Variants in ARFGEF2 observed in about 807,000 individuals in gnomAD.
ARFGEF2 encodes the protein brefeldin A-inhibited guanine nucleotide-exchange protein 2.
ARFGEF2 carries 74 observed loss-of-function variants against 219.9 expected under a neutral mutation model. The observed-to-expected ratio is 0.34, with a 90% CI of 0.28 to 0.41. ARFGEF2 has a LOEUF of 0.41. Among genes scored for constraint, ARFGEF2 ranks in the 10% least tolerant of loss-of-function variants. ARFGEF2 has a pLI of 1.00. For missense variants in ARFGEF2, 1,743 were observed against 2,218.3 expected (o/e 0.79, Z 4.30); for synonymous variants, 733 against 799.2 (o/e 0.92, Z 1.40).
intron 37 of ARFGEF2, among the ~76,000 whole-genome samples, 180 bp from the exon 38 acceptor site, chr20:49,031,869 G>C: frequency 6.6e-6 from 1 of 151,074 alleles, no homozygotes; most frequent in South Asian, 2.1e-4. Context: ...AGTGAACCTT[G>C]ATCACACCAC....
In ARFGEF2 at chr20:49,016,235, C is replaced by T. The variant is rs201153520; in HGVS notation, c.4180-45C>T. 4 of 1,607,846 alleles carry T rather than the reference C, an allele frequency of 2.5e-6. No homozygotes were observed. In the East Asian group the frequency reaches 6.7e-5, roughly 27 times the overall value. ...GGAGTGTACAAGAATGCCCATCTCA[C>T]TGCAGGGAGAATAGCTTTTAAGTGT... On this transcript the variant is annotated intron_variant, in intron 30 of 38. Coordinates refer to ENST00000371917, the MANE Select transcript of ARFGEF2 (RefSeq NM_006420.3).
chr20:49,011,480 G>T (rs1283079257), intron 27 of ARFGEF2, among the ~76,000 whole-genome samples: 1 of 152,182 alleles, frequency 6.6e-6, no homozygotes, highest in South Asian at 2.1e-4. Flanking sequence ...ACACAGTTTC[G>T]ATGTAGTGGA....
chr20:48,922,123 T>C (rs1893156913), intron 1 of ARFGEF2, 113 bp downstream of exon 1: 1 of 1,441,256 alleles, frequency 6.9e-7, no homozygotes, highest in Non-Finnish European at 9.2e-7. Flanking sequence ...CGATCCCGAA[T>C]TCCACCCTTC....
intron 38 of ARFGEF2, among the ~76,000 whole-genome samples, chr20:49,032,812 C>T (rs1052159583): frequency 6.6e-6 from 1 of 151,974 alleles, no homozygotes; most frequent in Admixed American, 6.6e-5. Context: ...AGGCTGGTCT[C>T]GATCTCCTGA....
chr20:49,018,804 C>A, intron 33 of ARFGEF2, 80 bp from the exon 34 acceptor site: 1 of 1,113,920 alleles, frequency 9.0e-7, no homozygotes, highest in Non-Finnish European at 1.4e-6. Context: ...GCTGGACCAG[C>A]CGTGTTAAAA....
At chr20:48,944,788 T>G (rs970847007) in intron 3 of ARFGEF2, among the ~76,000 whole-genome samples, 1 of 152,140 alleles carries the variant, frequency 6.6e-6, no homozygotes, top group Non-Finnish European at 1.5e-5. Context: ...TTCTTGACTC[T>G]GTGTCTGTGT....
intron 20 of ARFGEF2, among the ~76,000 whole-genome samples, chr20:48,990,468 C>T (rs953161668): frequency 6.6e-6 from 1 of 152,174 alleles, no homozygotes; most frequent in Non-Finnish European, 1.5e-5. Flanking sequence ...GGTTGACAAT[C>T]CCATGCATCA....
rs566678225 is a variant in ARFGEF2, at chr20:48,996,147, T to A, written c.3221+265T>A. ...GTTTCCTTAGTAGAAATTATTTTTTTAAAAATCACAAGAAGAGTTTAGGAT... is the reference window on the plus strand; with the variant it reads ...GTTTCCTTAGTAGAAATTATTTTTTAAAAAATCACAAGAAGAGTTTAGGAT... On this transcript the variant is annotated intron_variant, in intron 23 of 38. Coordinates refer to ENST00000371917, the MANE Select transcript of ARFGEF2 (RefSeq NM_006420.3). Among the ~76,000 whole-genome samples, 99 of 152,278 alleles carry A rather than the reference T, an allele frequency of 6.5e-4. 1 individual carries two copies. Among genetic ancestry groups the A allele is most frequent in the Admixed American group, 1.2e-3 (18 of 15,284 alleles).
At chr20:48,961,090 A>ATAATAATAATAATAATAC (rs1475941043) in intron 6 of ARFGEF2, among the ~76,000 whole-genome samples, 1 of 147,744 alleles carries the variant, frequency 6.8e-6, no homozygotes, top group Non-Finnish European at 1.5e-5. Flanking sequence ...AAATATAATA[A>ATAATAATAATAATAATAC]TAATAATAAT....
chr20:48,922,837 C>T (rs2090851773), intron 1 of ARFGEF2, among the ~76,000 whole-genome samples: 1 of 152,200 alleles, frequency 6.6e-6, no homozygotes, highest in South Asian at 2.1e-4. Flanking sequence ...ATACCAGGTA[C>T]TGAGAATTCA....
Position 48,984,807 on chromosome 20 carries a change from C to G in ARFGEF2, c.2037C>G (p.Ala679=). ...GMLGTSVEDI[A]QFLHQEERLD... Reference sequence around the variant, plus strand: ...TGGGAACGTCAGTTGAAGACATAGCCCAATTCCTGCACCAGGAGGAGCGCC... The same window carrying G: ...TGGGAACGTCAGTTGAAGACATAGCGCAATTCCTGCACCAGGAGGAGCGCC... The change falls in exon 15 of 39, where the codon GCC becomes GCG. Residue 679 remains alanine, a synonymous_variant. Transcript: ENST00000371917. The G allele has an allele frequency of 6.2e-7, 1 of 1,612,992 alleles. No homozygotes were observed. Among genetic ancestry groups the G allele is most frequent in the Admixed American group, 1.7e-5 (1 of 60,000 alleles).
At chr20:48,969,016 A>G in intron 8 of ARFGEF2, 131 bp from the exon 9 acceptor site, 1 of 820,044 alleles carries the variant, frequency 1.2e-6, no homozygotes, top group Non-Finnish European at 2.1e-6. Context: ...ATTGGAGTGC[A>G]ATGGTGCCAT....
At chr20:48,952,421 G>A (rs1045160932) in intron 4 of ARFGEF2, among the ~76,000 whole-genome samples, 14 of 151,994 alleles carry the variant, frequency 9.2e-5, no homozygotes, top group Non-Finnish European at 1.8e-4. Flanking sequence ...TGGAAGTTTG[G>A]CTTTTTAAAA....
At chr20:48,972,760 C>T (rs548165852) in intron 11 of ARFGEF2, among the ~76,000 whole-genome samples, 21 of 152,242 alleles carry the variant, frequency 1.4e-4, no homozygotes, top group Admixed American at 5.2e-4. Flanking sequence ...TTGGGTGCTA[C>T]GGTAAATGTG....
intron 25 of ARFGEF2, among the ~76,000 whole-genome samples, chr20:49,000,042 G>C (rs1480925219): frequency 6.6e-6 from 1 of 152,202 alleles, no homozygotes; most frequent in African/African-American, 2.4e-5. Flanking sequence ...GCATCTGCCA[G>C]TTTCTGTGTG....
chr20:49,007,592 C>CTTTT (rs752508908), intron 26 of ARFGEF2, among the ~76,000 whole-genome samples: 46 of 97,840 alleles, frequency 4.7e-4, no homozygotes, highest in South Asian at 3.0e-3. Context: ...CCTGGTGTTG[C>CTTTT]TTTTTTTTTT....
At position 49,036,167 on chromosome 20, in the gene ARFGEF2, A is replaced by C. The variant is rs1465304075; in HGVS notation, c.*2968A>C. The C allele has an allele frequency of 2.5e-6, 1 of 398,346 alleles. No individual in the cohort carries two copies. The highest frequency in any genetic ancestry group is 4.4e-6 in the Non-Finnish European group (1 of 225,928). 24.7% of individuals were successfully genotyped at this position (398,346 alleles called of 1,614,324 possible). A position where few individuals can be genotyped will look rare whatever the true frequency, so the allele number is the denominator to read the frequency against. On this transcript the variant is annotated 3_prime_UTR_variant, in exon 39 of 39. Coordinates refer to ENST00000371917, the MANE Select transcript of ARFGEF2 (RefSeq NM_006420.3). ...TTTCAATAGAAGCTGGATCCTTAATACTGCATTTTCTGAATTCTGTTTTAA... is the reference window on the plus strand; with the variant it reads ...TTTCAATAGAAGCTGGATCCTTAATCCTGCATTTTCTGAATTCTGTTTTAA...
chr20:49,032,114 C>G lies in ARFGEF2; in HGVS notation c.5129C>G (p.Thr1710Arg). ...TCTGAGAGCCATCGGGAGGCCTGGA[C>G]AAGTCTCTTGTTGTTACTTCTAACT... is the stretch of plus-strand genomic sequence containing the variant. ...VNSESHREAW[T>R]SLLLLLLTKT... Residue 1710 changes from threonine (T) to arginine (R), a missense_variant, in exon 38 of 39, where the codon ACA becomes AGA. Thr to Arg is a moderately conservative substitution (Grantham distance 71). Coordinates refer to ENST00000371917, the MANE Select transcript of ARFGEF2 (RefSeq NM_006420.3). 1 of 1,614,004 alleles carries G rather than the reference C, an allele frequency of 6.2e-7. No homozygotes were observed. The highest frequency in any genetic ancestry group is 8.5e-7 in the Non-Finnish European group (1 of 1,179,968).
At position 49,017,360 on chromosome 20, in the gene ARFGEF2, A is replaced by T; in HGVS notation, c.4427A>T (p.Asp1476Val). Residue 1476 changes from aspartate (D) to valine (V), a missense_variant, in exon 32 of 39, where the codon GAT becomes GTT. By Grantham distance (152) the Asp-to-Val change is radical. Around this residue, in one of 5 missense-constraint regions of ARFGEF2, gnomAD observed 578 missense variants for 664.0 expected, o/e 0.87. Transcript: ENST00000371917. Reference protein sequence around the residue: ...VWDETCNCMLDIFKTTIPHVL... With the variant: ...VWDETCNCMLVIFKTTIPHVL... Reference sequence around the variant, plus strand: ...GATGAAACCTGCAACTGTATGTTGGATATTTTCAAAACAACCATCCCACAT... The same window carrying T: ...GATGAAACCTGCAACTGTATGTTGGTTATTTTCAAAACAACCATCCCACAT... The T allele has an allele frequency of 6.2e-7, 1 of 1,614,116 alleles. No individual in the cohort carries two copies. The highest frequency in any genetic ancestry group is 8.5e-7 in the Non-Finnish European group (1 of 1,179,998).
Sources: allele counts gnomAD v4.1 joint callset (sites outside exome capture counted in the v4.1 genomes callset), GRCh38; gene constraint gnomAD v4.1.1; regional missense constraint gnomAD v4.1.1; transcripts MANE v1.5; gene names NCBI Gene and HGNC (gene_info 2026-07-23, HGNC 2026-07-21).